The following PRKG1 variants were observed in gnomAD, a reference collection of about 807,000 sequenced individuals.
The protein encoded by PRKG1 is protein kinase cGMP-dependent 1, also known as cGMP-dependent protein kinase 1.
In PRKG1, 35 loss-of-function variants were observed where a neutral mutation model predicts 88.1. The ratio of observed to expected loss-of-function variants is 0.40; its 90% CI spans 0.30 to 0.53. The LOEUF (loss-of-function observed/expected upper bound fraction) is 0.53. Among genes scored for constraint, PRKG1 ranks in the 20% least tolerant of loss-of-function variants. The pLI, the probability that PRKG1 is intolerant of heterozygous loss-of-function variation, is 0.59. For missense variants in PRKG1, 540 were observed against 839.8 expected, an observed-to-expected ratio of 0.64 and a Z score of 4.41; for synonymous variants, 303 against 292.5, an observed-to-expected ratio of 1.04 and a Z score of -0.37.
intron 3 of PRKG1, among the ~76,000 whole-genome samples, chr10:51,573,103 A>G (rs936521647): frequency 4.6e-5 from 7 of 151,844 alleles, no homozygotes; most frequent in Non-Finnish European, 7.4e-5. Context: ...CTCTAGCCTC[A>G]TACTATTTAG....
chr10:51,554,864 A>AT (rs542351059), intron 3 of PRKG1, among the ~76,000 whole-genome samples: 1 of 151,644 alleles, frequency 6.6e-6, no homozygotes, highest in Non-Finnish European at 1.5e-5. Context: ...CCTCAAAAAA[A>AT]TTTTTTTTAA....
At chr10:51,520,629 A>G (rs1219990948) in intron 3 of PRKG1, among the ~76,000 whole-genome samples, 1 of 152,180 alleles carries the variant, frequency 6.6e-6, no homozygotes, top group African/African-American at 2.4e-5. Flanking sequence ...CTAGAAATTC[A>G]CAATGATAGC....
chr10:51,111,919 A>C (rs2131898073), intron 1 of PRKG1, among the ~76,000 whole-genome samples: 1 of 152,308 alleles, frequency 6.6e-6, no homozygotes, highest in South Asian at 2.1e-4. Flanking sequence ...AAGAATGAGC[A>C]GTAGGGGTGC....
intron 8 of PRKG1, among the ~76,000 whole-genome samples, chr10:52,148,601 T>A (rs1469916445): frequency 2.6e-5 from 4 of 152,098 alleles, no homozygotes; most frequent in Non-Finnish European, 4.4e-5. Flanking sequence ...TCACATATAC[T>A]GAAAGGTAGC....
At chr10:52,138,146 G>T (rs2132644383) in intron 8 of PRKG1, among the ~76,000 whole-genome samples, 1 of 152,040 alleles carries the variant, frequency 6.6e-6, no homozygotes, top group African/African-American at 2.4e-5. Flanking sequence ...GCACTCGTCT[G>T]AGATCCCTGC....
At chr10:51,565,597 G>C (rs1321555504) in intron 3 of PRKG1, among the ~76,000 whole-genome samples, 4 of 152,070 alleles carry the variant, frequency 2.6e-5, no homozygotes, top group Non-Finnish European at 5.9e-5. Context: ...TGCAATTTAA[G>C]TATTAAAGTG....
chr10:52,111,556 G>T (rs1372447663), intron 7 of PRKG1, among the ~76,000 whole-genome samples: 1 of 152,138 alleles, frequency 6.6e-6, no homozygotes, highest in African/African-American at 2.4e-5. Context: ...TAAAATTTGG[G>T]TTGTTAGATT....
chr10:51,974,312 A>G (rs974160622), intron 5 of PRKG1, among the ~76,000 whole-genome samples: 1 of 152,062 alleles, frequency 6.6e-6, no homozygotes, highest in Non-Finnish European at 1.5e-5. Flanking sequence ...TATTTGGAAT[A>G]TTGTAGTAAC....
chr10:52,147,176 G>A (rs1465748693), intron 8 of PRKG1, among the ~76,000 whole-genome samples: 1 of 152,068 alleles, frequency 6.6e-6, no homozygotes, highest in Non-Finnish European at 1.5e-5. Context: ...AAAGTAAATA[G>A]TAAAGGCCAA....
chr10:51,653,834 C>G (rs1329083235), intron 3 of PRKG1, among the ~76,000 whole-genome samples: 1 of 152,192 alleles, frequency 6.6e-6, no homozygotes, highest in Non-Finnish European at 1.5e-5. Context: ...TCCGAAAGTG[C>G]TAGGATTACA....
intron 4 of PRKG1, among the ~76,000 whole-genome samples, chr10:51,871,437 C>T (rs1589376190): frequency 6.6e-6 from 1 of 152,166 alleles, no homozygotes; most frequent in Non-Finnish European, 1.5e-5. Context: ...CCAGCCTGGC[C>T]TCCCCATCCT....
At chr10:51,956,871 A>G (rs192426967) in intron 5 of PRKG1, among the ~76,000 whole-genome samples, 202 of 152,218 alleles carry the variant, frequency 1.3e-3, no homozygotes, top group Middle Eastern at 3.4e-3. Flanking sequence ...GTCCAGATCT[A>G]TATGTTACTA....
At chr10:51,012,060 C>G (rs1424191977) in intron 1 of PRKG1, among the ~76,000 whole-genome samples, 1 of 152,108 alleles carries the variant, frequency 6.6e-6, no homozygotes, top group Non-Finnish European at 1.5e-5. Flanking sequence ...AGACACACTC[C>G]CATGATTCAA....
At chr10:51,676,925 T>C (rs1258786945) in intron 3 of PRKG1, among the ~76,000 whole-genome samples, 4 of 152,218 alleles carry the variant, frequency 2.6e-5, no homozygotes, top group African/African-American at 9.6e-5. Flanking sequence ...TATGACATGA[T>C]GAAAACTACA....
At chr10:52,228,173 C>T (rs1840435775) in intron 9 of PRKG1, among the ~76,000 whole-genome samples, 1 of 151,820 alleles carries the variant, frequency 6.6e-6, no homozygotes, top group Non-Finnish European at 1.5e-5. Flanking sequence ...AACCTTTCAT[C>T]GTAATGCAAT....
In PRKG1 at chr10:51,858,339, ATAT is replaced by A. The variant is rs1207603169; in HGVS notation, c.699-49164_699-49162del. On this transcript the variant is annotated intron_variant, in intron 4 of 17. Coordinates refer to ENST00000373980, the MANE Select transcript of PRKG1 (RefSeq NM_006258.4). ...ATAATATGTATTATATATAATATAT[ATAT>A]TATATAAAATATATATATTATATAT... Among the ~76,000 whole-genome samples the A allele has an allele frequency of 3.6e-4, 13 of 36,012 alleles. 1 individual carries two copies. The highest frequency in any genetic ancestry group is 5.9e-4 in the African/African-American group (6 of 10,104). The allele number at this position is 36,012 out of a possible 152,430, so 23.6% of individuals were successfully genotyped here.
At chr10:51,790,213 A>G (rs757526507) in intron 3 of PRKG1, among the ~76,000 whole-genome samples, 8 of 152,166 alleles carry the variant, frequency 5.3e-5, no homozygotes, top group Admixed American at 2.0e-4. Flanking sequence ...CCTCAGAGCT[A>G]GTGAGCCAGT....
chr10:51,530,374 ATAT>A (rs978402911), intron 3 of PRKG1, among the ~76,000 whole-genome samples: 1 of 152,162 alleles, frequency 6.6e-6, no homozygotes, highest in African/African-American at 2.4e-5. Flanking sequence ...GCAGATATAT[ATAT>A]TATTAAGCAG....
intron 2 of PRKG1, among the ~76,000 whole-genome samples, chr10:51,158,774 T>C (rs927803233): frequency 2.0e-5 from 3 of 152,070 alleles, no homozygotes; most frequent in Non-Finnish European, 4.4e-5. Context: ...CTATCTGCAA[T>C]CAATAGCATT....
Sources: gnomAD v4.1 joint callset for allele counts (sites outside exome capture counted in the v4.1 genomes callset) on GRCh38, gnomAD v4.1.1 for gene constraint, MANE v1.5 for transcripts, NCBI Gene and HGNC (gene_info 2026-07-23, HGNC 2026-07-21) for gene names.